Variants in CSNK2A1 observed in about 807,000 individuals in gnomAD.
CSNK2A1 encodes casein kinase 2 alpha 1.
A neutral mutation model predicts 62.9 loss-of-function variants in CSNK2A1; 10 were observed. The observed-to-expected ratio is 0.16, with a 90% CI of 0.10 to 0.27. The LOEUF is 0.27. Ranked by LOEUF, CSNK2A1 falls within the 10% of genes least tolerant of loss-of-function variation. CSNK2A1 has a pLI of 1.00. For synonymous variants in CSNK2A1, 124 were observed against 167.8 expected, an observed-to-expected ratio of 0.74 and a Z score of 2.02; for missense variants, 160 against 492.0, an observed-to-expected ratio of 0.33 and a Z score of 6.38.
intron 8 of CSNK2A1, among the ~76,000 whole-genome samples, chr20:493,819 T>C (rs934688254): frequency 2.0e-5 from 3 of 152,206 alleles, no homozygotes; most frequent in African/African-American, 4.8e-5. Context: ...TCTATCATTT[T>C]GAGAATGCTA....
intron 1 of CSNK2A1, among the ~76,000 whole-genome samples, chr20:537,782 G>A (rs1464869283): frequency 4.6e-5 from 7 of 152,230 alleles, no homozygotes; most frequent in African/African-American, 1.7e-4. Context: ...AATTGTGACA[G>A]ATCAAAACCC....
At chr20:533,462 G>A (rs1331982193) in intron 1 of CSNK2A1, among the ~76,000 whole-genome samples, 1 of 152,120 alleles carries the variant, frequency 6.6e-6, no homozygotes, top group Admixed American at 6.5e-5. Flanking sequence ...CATAGGCCAG[G>A]TGTGGTGGCA....
chr20:496,632 T>C (rs930047858), intron 7 of CSNK2A1: 1 of 152,230 alleles, frequency 6.6e-6, no homozygotes, highest in Non-Finnish European at 1.5e-5. Context: ...ACAAACTGCA[T>C]GAGCCAATGG....
intron 13 of CSNK2A1, among the ~76,000 whole-genome samples, chr20:485,109 A>AAAAAAAAAAAAAAAC (rs1568496554): frequency 4.1e-5 from 1 of 24,666 alleles, no homozygotes; most frequent in Non-Finnish European, 7.2e-5. Flanking sequence ...AAAAAAAAAA[A>AAAAAAAAAAAAAAAC]ATATATATAT....
At chr20:496,836 C>T (rs1030096403) in intron 7 of CSNK2A1, 13 of 152,278 alleles carry the variant, frequency 8.5e-5, no homozygotes, top group African/African-American at 2.9e-4. Flanking sequence ...AGTAAATTTT[C>T]AATTAGCATC....
chr20:495,792 T>C lies in CSNK2A1; in HGVS notation c.437A>G (p.Tyr146Cys), dbSNP rs2018335475. Residue 146 changes from tyrosine (Y) to cysteine (C), a missense_variant, in exon 8 of 14, where the codon TAT (tyrosine) becomes TGT (cysteine). Physicochemically the swap from Tyr to Cys is radical, Grantham distance 194. This residue lies in a region of CSNK2A1 where 94 missense variants were observed against 357.6 expected (regional missense o/e 0.26). Coordinates refer to ENST00000217244, the MANE Select transcript of CSNK2A1 (RefSeq NM_177559.3). ...GTGCATAATTCCCATGCTGTGACAA[T>C]AATCCAGGGCCTGTGGGATGAACGG... is the stretch of plus-strand genomic sequence containing the variant. ...YMYEILKALD[Y>C]CHSMGIMHRD... 1.2e-6 allele frequency: 2 copies of C among 1,614,010 alleles called. No homozygotes were observed. The highest frequency in any genetic ancestry group is 1.7e-6 in the Non-Finnish European group (2 of 1,179,892).
At chr20:510,681 T>C (rs996792321) in intron 2 of CSNK2A1, among the ~76,000 whole-genome samples, 3 of 152,172 alleles carry the variant, frequency 2.0e-5, no homozygotes, top group African/African-American at 7.2e-5. Context: ...GTAAAGGGAA[T>C]AGAGATGCCC....
chr20:509,738 G>A (rs1014523145), intron 2 of CSNK2A1, among the ~76,000 whole-genome samples: 4 of 152,124 alleles, frequency 2.6e-5, no homozygotes, highest in African/African-American at 9.7e-5. Context: ...ACCACCCTCA[G>A]CTAATTTTCT....
intron 1 of CSNK2A1, among the ~76,000 whole-genome samples, chr20:542,722 G>A (rs188823484): frequency 6.6e-6 from 1 of 152,280 alleles, no homozygotes; most frequent in East Asian, 1.9e-4. Context: ...TGAGCCACAC[G>A]CCCGGCCTCT....
chr20:512,622 TTCCACTCCAAATA>T (rs1436804101), intron 2 of CSNK2A1, among the ~76,000 whole-genome samples: 1 of 152,170 alleles, frequency 6.6e-6, no homozygotes, highest in Non-Finnish European at 1.5e-5. Context: ...ATTAATGACA[TTCCACTCCAAATA>T]TATGAGATCA....
In CSNK2A1 at chr20:499,998, C is replaced by T. The variant is rs1420197781; in HGVS notation, c.214-64G>A. On this transcript the variant is annotated intron_variant, in intron 4 of 13. Transcript: ENST00000217244. This position sits in a 1 kb window ranked among gnomAD's most constrained non-coding sequence, Gnocchi z 4.2. ...AAAATTTTTTCAGAGTATTTCAACA[C>T]GTAGTGTAATACATAAATGATAAAT... The T allele has an allele frequency of 2.3e-5, 30 of 1,300,614 alleles. No homozygotes were observed. Among genetic ancestry groups the T allele is most frequent in the Middle Eastern group, 2.3e-4 (1 of 4,370 alleles). The allele number at this position is 1,300,614 out of a possible 1,614,324, so 80.6% of individuals were successfully genotyped here.
chr20:487,339 C>T, intron 12 of CSNK2A1, 88 bp downstream of exon 12: 1 of 1,570,474 alleles, frequency 6.4e-7, no homozygotes, highest in Non-Finnish European at 8.7e-7. Flanking sequence ...ATTAACTTTG[C>T]AGCAAGCTGA....
intron 8 of CSNK2A1, among the ~76,000 whole-genome samples, chr20:493,384 A>C (rs2018275541): frequency 6.6e-6 from 1 of 152,116 alleles, no homozygotes; most frequent in Non-Finnish European, 1.5e-5. Context: ...CTCTAGTCTA[A>C]ACAGTTTAAT....
At chr20:511,097 G>T (rs1014259398) in intron 2 of CSNK2A1, among the ~76,000 whole-genome samples, 2 of 152,028 alleles carry the variant, frequency 1.3e-5, no homozygotes, top group African/African-American at 4.8e-5. Flanking sequence ...GGCTCACTTT[G>T]GGAGGCTTAA....
chr20:484,197 G>T, intron 13 of CSNK2A1, 121 bp from the exon 14 acceptor site: 1 of 769,650 alleles, frequency 1.3e-6, no homozygotes, highest in Non-Finnish European at 1.9e-6. Flanking sequence ...CTCTTAGCTG[G>T]ATTTTTACAT....
rs984136139 is a variant in CSNK2A1, at chr20:481,038, C to T, written c.*2923G>A. 2.6e-5 allele frequency: 4 copies of T among 152,114 alleles called. No individual in the cohort carries two copies. Among genetic ancestry groups the T allele is most frequent in the Admixed American group, 1.3e-4 (2 of 15,282 alleles). The allele number at this position is 152,114 out of a possible 1,614,324, so 9.4% of individuals were successfully genotyped here. A position where few individuals can be genotyped will look rare whatever the true frequency, so the allele number is the denominator to read the frequency against. ...CAAGTACAAGAAACAGAATTCAAAA[C>T]GTGAAAACGGAGCCATCTATCACAC... On this transcript the variant is annotated 3_prime_UTR_variant, in exon 14 of 14. Coordinates refer to ENST00000217244, the MANE Select transcript of CSNK2A1 (RefSeq NM_177559.3).
intron 9 of CSNK2A1, among the ~76,000 whole-genome samples, chr20:491,548 G>A (rs1184731049): frequency 6.6e-6 from 1 of 152,102 alleles, no homozygotes; most frequent in East Asian, 1.9e-4. Flanking sequence ...GTGCACGCCT[G>A]TAGTCCCAGC....
chr20:489,510 G>A (rs2018171643), intron 10 of CSNK2A1: 2 of 412,232 alleles, frequency 4.9e-6, no homozygotes, highest in South Asian at 1.1e-4. Flanking sequence ...TTGGAGATAA[G>A]GGTTTATTAG....
intron 2 of CSNK2A1, among the ~76,000 whole-genome samples, chr20:514,068 G>A (rs1475524531): frequency 1.3e-5 from 2 of 152,112 alleles, no homozygotes; most frequent in African/African-American, 4.8e-5. Flanking sequence ...ATAAAAAGGG[G>A]ATGTGAAGCC....
Sources: gnomAD v4.1 joint callset for allele counts (sites outside exome capture counted in the v4.1 genomes callset) on GRCh38, gnomAD v4.1.1 for gene constraint, gnomAD v4.1.1 regional missense constraint, Gnocchi (gnomAD v3.1) non-coding constraint, MANE v1.5 for transcripts, NCBI Gene and HGNC (gene_info 2026-07-23, HGNC 2026-07-21) for gene names.